PCLAF: variants seen among roughly 807,000 people sequenced by gnomAD.
PCLAF encodes PCNA clamp associated factor.
A neutral mutation model predicts 15.1 loss-of-function variants in PCLAF; 12 were observed. The observed-to-expected ratio is 0.79, with a 90% confidence interval of 0.51 to 1.29. PCLAF has a LOEUF of 1.29. PCLAF is among the 50% of genes most tolerant of loss of function. The pLI is 0.00. For synonymous variants in PCLAF, 33 were observed against 47.1 expected, an observed-to-expected ratio of 0.70 and a Z score of 1.22; for missense variants, 116 against 130.9, an observed-to-expected ratio of 0.89 and a Z score of 0.56.
exon 1 of PCLAF, chr15:64,387,518 A>T (rs1322453680): frequency 7.7e-7 from 1 of 1,304,552 alleles, no homozygotes; most frequent in Non-Finnish European, 9.9e-7. Flanking sequence ...CTGGCCTCTC[A>T]GCTTTCCGGG....
chr15:64,380,980 C>G lies in PCLAF; in HGVS notation c.105G>C (p.Ser35=). The G allele has an allele frequency of 6.2e-7, 1 of 1,614,020 alleles. No individual in the cohort carries two copies. Among genetic ancestry groups the G allele is most frequent in the Non-Finnish European group, 8.5e-7 (1 of 1,180,006 alleles). The change falls in exon 2 of 4, where the codon TCG becomes TCC. Residue 35 remains serine (S), a synonymous_variant. Coordinates refer to ENST00000300035, the MANE Select transcript of PCLAF (RefSeq NM_014736.6). ...VLGSSTSATN[S]TSVSSRKAEN... ...TACCTTTCCTCGATGAAACTGATGTCGAATTAGTGGCAGAGGTGGAAGAAC... is the reference window on the plus strand; with the variant it reads ...TACCTTTCCTCGATGAAACTGATGTGGAATTAGTGGCAGAGGTGGAAGAAC...
intron 3 of PCLAF, among the ~76,000 whole-genome samples, chr15:64,371,419 C>T (rs1052711999): frequency 6.6e-6 from 1 of 152,110 alleles, no homozygotes; most frequent in African/African-American, 2.4e-5. Context: ...GCACTCACCA[C>T]CACGCCCAGT....
chr15:64,378,852 A>G (rs555152377), intron 2 of PCLAF, among the ~76,000 whole-genome samples: 1 of 151,956 alleles, frequency 6.6e-6, no homozygotes, highest in Non-Finnish European at 1.5e-5. Flanking sequence ...CGGAGGTTGC[A>G]GTGAGCCGAG....
At chr15:64,381,219 G>T in intron 1 of PCLAF, 107 bp downstream of exon 1, 1 of 1,390,326 alleles carries the variant, frequency 7.2e-7, no homozygotes, top group Non-Finnish European at 1.0e-6. Context: ...TGGCTAGCTA[G>T]ATGAGTTTGG....
intron 1 of PCLAF, 21 bp from the exon 2 acceptor site, chr15:64,381,059 G>C (rs200434561): frequency 2.5e-6 from 4 of 1,612,866 alleles, no homozygotes; most frequent in Non-Finnish European, 3.4e-6. Flanking sequence ...AGGCAAAAAA[G>C]GGTGTTCAGA....
At chr15:64,376,540 C>G (rs995169164) in intron 3 of PCLAF, among the ~76,000 whole-genome samples, 2 of 151,982 alleles carry the variant, frequency 1.3e-5, no homozygotes, top group African/African-American at 2.4e-5. Flanking sequence ...TTGTTTGAGC[C>G]TCCCAAATAG....
chr15:64,372,329 G>A lies in PCLAF; in HGVS notation c.290+4414C>T, dbSNP rs189822837. On this transcript the variant is annotated intron_variant, in intron 3 of 3. Coordinates refer to ENST00000300035, the MANE Select transcript of PCLAF (RefSeq NM_014736.6). ...TCAATTACCACATAGAAAGTAAAAT[G>A]CAGGGCTGGGTGCGATGGCTCACAC... 2.7e-4 allele frequency among the ~76,000 whole-genome samples: 41 copies of A among 152,190 alleles called. No individual in the cohort carries two copies. The East Asian group carries it at 7.0e-3, about 26-fold the overall frequency.
chr15:64,383,102 C>T (rs1899865431), upstream of PCLAF: 1 of 152,828 alleles, frequency 6.5e-6, no homozygotes, highest in African/African-American at 2.4e-5. Flanking sequence ...TAATTCTCTC[C>T]AATGAATTGC....
At chr15:64,384,315 G>A (rs993472105), upstream of PCLAF, among the ~76,000 whole-genome samples, 7 of 152,020 alleles carry the variant, frequency 4.6e-5, no homozygotes, top group Non-Finnish European at 7.4e-5. Context: ...TGTATTTTCA[G>A]TAGAGACAGG....
Position 64,365,562 on chromosome 15 carries a change from CA to C in PCLAF, c.*467del, listed in dbSNP as rs904498418. 2.5e-5 allele frequency: 4 copies of C among 158,106 alleles called. No homozygotes were observed. Among genetic ancestry groups the C allele is most frequent in the Non-Finnish European group, 5.5e-5 (4 of 72,556 alleles). The allele number at this position is 158,106 out of a possible 1,614,324, so 9.8% of individuals were successfully genotyped here. The stretch of plus-strand genomic sequence containing the variant: ...AACATTGCGTATTTGTCCTCCTTGC[CA>C]AAAAAGAGGGTAGAATAAGTAATGT... On this transcript the variant is annotated 3_prime_UTR_variant, in exon 4 of 4. Transcript: ENST00000300035.
At chr15:64,375,626 C>T (rs1162437275) in intron 3 of PCLAF, among the ~76,000 whole-genome samples, 1 of 152,134 alleles carries the variant, frequency 6.6e-6, no homozygotes, top group Admixed American at 6.6e-5. Flanking sequence ...CTCCTGAGCT[C>T]AAGCGATCTG....
At chr15:64,385,646 A>G (rs1899918804), upstream of PCLAF, among the ~76,000 whole-genome samples, 1 of 152,048 alleles carries the variant, frequency 6.6e-6, no homozygotes, top group Non-Finnish European at 1.5e-5. Flanking sequence ...AAGAAAAAAA[A>G]AAGAAAAAGA....
At chr15:64,374,790 G>A (rs1258828178) in intron 3 of PCLAF, among the ~76,000 whole-genome samples, 2 of 148,478 alleles carry the variant, frequency 1.3e-5, no homozygotes, top group South Asian at 2.1e-4. Context: ...AGGTTGAAGT[G>A]AGCGAACATT....
chr15:64,369,394 T>A (rs1343750170), intron 3 of PCLAF, among the ~76,000 whole-genome samples: 2 of 147,954 alleles, frequency 1.4e-5, no homozygotes, highest in Admixed American at 6.8e-5. Flanking sequence ...AAAAATCCTG[T>A]CTCTAAAAAA....
At chr15:64,366,835 TG>T (rs35536741) in intron 3 of PCLAF, among the ~76,000 whole-genome samples, 2 of 151,592 alleles carry the variant, frequency 1.3e-5, no homozygotes. Context: ...AGCCGGGCAG[TG>T]GGGGTGTGTG....
intron 3 of PCLAF, among the ~76,000 whole-genome samples, chr15:64,375,547 A>T (rs1301857150): frequency 1.3e-5 from 2 of 151,810 alleles, no homozygotes; most frequent in African/African-American, 2.4e-5. Flanking sequence ...AGTGGCTGGG[A>T]TTATAGGCGG....
intron 2 of PCLAF, among the ~76,000 whole-genome samples, chr15:64,377,953 C>T (rs1437667450): frequency 3.4e-5 from 5 of 148,978 alleles, no homozygotes; most frequent in African/African-American, 9.9e-5. Flanking sequence ...GGGGGGGAGA[C>T]AGAGTCTCAC....
chr15:64,369,696 A>G (rs1899200263), intron 3 of PCLAF, among the ~76,000 whole-genome samples: 1 of 152,070 alleles, frequency 6.6e-6, no homozygotes, highest in African/African-American at 2.4e-5. Context: ...GATCACATGC[A>G]TGTGCCACCA....
At position 64,365,148 on chromosome 15, in the gene PCLAF, G is replaced by A. The variant is rs1490920555; in HGVS notation, c.*882C>T. 6.6e-5 allele frequency: 10 copies of A among 151,986 alleles called. No homozygotes were observed. Among genetic ancestry groups the A allele is most frequent in the African/African-American group, 1.4e-4 (6 of 41,474 alleles). 9.4% of individuals were successfully genotyped at this position (151,986 alleles called of 1,614,324 possible). On this transcript the variant is annotated 3_prime_UTR_variant, in exon 4 of 4. Coordinates refer to ENST00000300035, the MANE Select transcript of PCLAF (RefSeq NM_014736.6). Reference sequence around the variant, plus strand: ...CTCCCGAGTAGCTGGGACTACAGGCGCCCGCCACCGCGCCCGGCTAATTTT... The same window carrying A: ...CTCCCGAGTAGCTGGGACTACAGGCACCCGCCACCGCGCCCGGCTAATTTT...
Sources: allele counts gnomAD v4.1 joint callset (sites outside exome capture counted in the v4.1 genomes callset), GRCh38; gene constraint gnomAD v4.1.1; transcripts MANE v1.5; gene names NCBI Gene and HGNC (gene_info 2026-07-23, HGNC 2026-07-21).